Variants in CHUK observed in about 807,000 individuals in gnomAD.
The protein encoded by CHUK is component of inhibitor of nuclear factor kappa B kinase complex.
CHUK carries 35 observed loss-of-function variants against 104.8 expected under a neutral mutation model. The observed-to-expected ratio is 0.33, with a 90% confidence interval of 0.26 to 0.44. CHUK has a LOEUF of 0.44. Ranked by LOEUF, CHUK falls within the 20% of genes least tolerant of loss-of-function variation. The pLI is 1.00. For missense variants in CHUK, 663 were observed against 902.7 expected (o/e 0.73, Z 3.40); for synonymous variants, 276 against 291.9 (o/e 0.95, Z 0.56).
intron 16 of CHUK, among the ~76,000 whole-genome samples, chr10:100,196,385 GTTTT>G (rs34375161): frequency 1.6e-4 from 21 of 128,206 alleles, no homozygotes; most frequent in Admixed American, 7.9e-4. Context: ...TCTGCTCTGG[GTTTT>G]TTTTTTTTTT....
intron 10 of CHUK, among the ~76,000 whole-genome samples, chr10:100,208,782 T>TAA (rs56149905): frequency 5.6e-5 from 7 of 125,482 alleles, no homozygotes; most frequent in Admixed American, 8.0e-5. Flanking sequence ...CAAGACTGTC[T>TAA]AAAAAAAAAA....
intron 19 of CHUK, chr10:100,193,004 A>G (rs1845238902): frequency 2.5e-6 from 1 of 400,346 alleles, no homozygotes; most frequent in African/African-American, 2.0e-5. Context: ...TTAGCTAATA[A>G]TAAGCAACAT....
At position 100,188,685 on chromosome 10, in the gene CHUK, A is replaced by T. The variant is rs1302643937; in HGVS notation, c.*913T>A. 1.3e-5 allele frequency: 2 copies of T among 152,250 alleles called. No homozygotes were observed. Among genetic ancestry groups the T allele is most frequent in the African/African-American group, 4.8e-5 (2 of 41,442 alleles). The allele number at this position is 152,250 out of a possible 1,614,324, so 9.4% of individuals were successfully genotyped here. On this transcript the variant is annotated 3_prime_UTR_variant, in exon 21 of 21. Transcript: ENST00000370397. ...ATAAAAAGATTCAAGGTCAGTTCAG[A>T]TTAGATTGCAAGCAAATGAATTTTG...
chr10:100,200,520 G>A, intron 15 of CHUK, 151 bp downstream of exon 15: 1 of 640,588 alleles, frequency 1.6e-6, no homozygotes, highest in Non-Finnish European at 2.8e-6. Flanking sequence ...CTGTGACTGA[G>A]AAAAAGCTTC....
intron 5 of CHUK, among the ~76,000 whole-genome samples, 181 bp downstream of exon 5, chr10:100,220,407 C>A (rs1463254605): frequency 6.6e-6 from 1 of 151,398 alleles, no homozygotes; most frequent in Non-Finnish European, 1.5e-5. Flanking sequence ...CTGATGGAAC[C>A]ACTGTTTAGC....
At chr10:100,228,993 GCACA>G (rs59218517) in intron 1 of CHUK, among the ~76,000 whole-genome samples, 4,774 of 133,474 alleles carry the variant, frequency 0.036, 99 homozygotes, top group East Asian at 0.093. Context: ...GCGCGCGCGC[GCACA>G]CACACACACA....
chr10:100,207,058 C>T (rs906870904), intron 11 of CHUK, among the ~76,000 whole-genome samples, 172 bp downstream of exon 11: 6 of 152,162 alleles, frequency 3.9e-5, no homozygotes, highest in Admixed American at 3.9e-4. Context: ...TACCTTTTCA[C>T]CTTCCAAACT....
chr10:100,204,889 A>T (rs1399760694), intron 12 of CHUK, among the ~76,000 whole-genome samples, 187 bp downstream of exon 12: 7 of 152,202 alleles, frequency 4.6e-5, no homozygotes, highest in Admixed American at 1.3e-4. Context: ...TATTACCCTC[A>T]AGCCATTACA....
chr10:100,200,059 T>C, intron 15 of CHUK, 39 bp from the exon 16 acceptor site: 7 of 1,412,556 alleles, frequency 5.0e-6, no homozygotes, highest in South Asian at 2.3e-5. Context: ...GTGAAGGTAA[T>C]TTAATGACTT....
intron 18 of CHUK, chr10:100,193,773 A>C: frequency 1.6e-6 from 1 of 619,930 alleles, no homozygotes; most frequent in Non-Finnish European, 2.9e-6. Context: ...GGCTAAGAGG[A>C]GTATAACAAC....
chr10:100,206,843 G>T (rs1206855779), intron 11 of CHUK, among the ~76,000 whole-genome samples: 2 of 152,116 alleles, frequency 1.3e-5, no homozygotes, highest in East Asian at 1.9e-4. Context: ...CAAAAGAAAA[G>T]AATAATTTTC....
chr10:100,206,803 G>T (rs945391982), intron 11 of CHUK, among the ~76,000 whole-genome samples: 4 of 152,146 alleles, frequency 2.6e-5, no homozygotes, highest in Non-Finnish European at 5.9e-5. Flanking sequence ...TATTTGGACA[G>T]ATATACAGTG....
At chr10:100,211,354 G>A (rs919584894) in intron 9 of CHUK, among the ~76,000 whole-genome samples, 9 of 152,048 alleles carry the variant, frequency 5.9e-5, no homozygotes, top group Admixed American at 2.0e-4. Flanking sequence ...TTTGATATAC[G>A]TTGTGAAATT....
chr10:100,203,503 C>T (rs557410601), intron 13 of CHUK, among the ~76,000 whole-genome samples: 2 of 151,450 alleles, frequency 1.3e-5, no homozygotes, highest in African/African-American at 4.9e-5. Context: ...ATTCATTCAC[C>T]CAACTGGACA....
chr10:100,228,838 A>T (rs1846162508), intron 1 of CHUK, among the ~76,000 whole-genome samples: 1 of 151,750 alleles, frequency 6.6e-6, no homozygotes, highest in African/African-American at 2.4e-5. Flanking sequence ...GCTCTGCACC[A>T]ACTCACCCTC....
At position 100,205,205 on chromosome 10, in the gene CHUK, T is replaced by A. The variant is rs182946770; in HGVS notation, c.1232-6A>T. ...CTGTATTTTGCTGTCCTGTACTATA[T>A]ACAAGAAGATGAGAAAAAGGGCAAG... On this transcript the variant is annotated splice_polypyrimidine_tract_variant and splice_region_variant and intron_variant, in intron 11 of 20. Transcript: ENST00000370397. The A allele has an allele frequency of 6.2e-7, 1 of 1,613,850 alleles. No individual in the cohort carries two copies. Among genetic ancestry groups the A allele is most frequent in the Non-Finnish European group, 8.5e-7 (1 of 1,179,730 alleles).
In CHUK at chr10:100,218,123, C is replaced by T; in HGVS notation, c.805G>A (p.Val269Ile). The stretch of plus-strand genomic sequence containing the variant: ...TGTAGCCAGTTTTCCATGGGTTCTA[C>T]TACTAAACTAGAAAACATACAAAAT... ...PQPNSLCSLV[V>I]EPMENWLQLM... is the part of the protein sequence containing the mutation. Residue 269 changes from valine to isoleucine, a missense_variant, in exon 9 of 21, where the codon GTA becomes ATA. By Grantham distance (29) the Val-to-Ile change is conservative (BLOSUM62 3). Around this residue, in one of 5 missense-constraint regions of CHUK, gnomAD observed 200 missense variants for 333.0 expected, o/e 0.60. Coordinates refer to ENST00000370397, the MANE Select transcript of CHUK (RefSeq NM_001278.5). The T allele has an allele frequency of 3.7e-6, 6 of 1,610,776 alleles. No homozygotes were observed. The highest frequency in any genetic ancestry group is 5.1e-6 in the Non-Finnish European group (6 of 1,177,002).
intron 2 of CHUK, 102 bp downstream of exon 2, chr10:100,225,821 C>T (rs1846092225): frequency 1.4e-6 from 1 of 724,814 alleles, no homozygotes; most frequent in Non-Finnish European, 2.5e-6. Context: ...ATATATGTTC[C>T]CAAAAAGATC....
intron 2 of CHUK, among the ~76,000 whole-genome samples, chr10:100,223,553 G>A (rs1373646715): frequency 6.6e-6 from 1 of 152,060 alleles, no homozygotes; most frequent in East Asian, 1.9e-4. Context: ...TGGGAGGACT[G>A]CTTGAGCCCA....
Sources: gnomAD v4.1 joint callset for allele counts (sites outside exome capture counted in the v4.1 genomes callset) on GRCh38, gnomAD v4.1.1 for gene constraint, gnomAD v4.1.1 regional missense constraint, MANE v1.5 for transcripts, NCBI Gene and HGNC (gene_info 2026-07-23, HGNC 2026-07-21) for gene names.